The following FBXL17 variants were observed in gnomAD, a reference collection of about 807,000 sequenced individuals.
FBXL17 encodes the protein F-box and leucine rich repeat protein 17, also known as F-box/LRR-repeat protein 17.
In FBXL17, 22 loss-of-function variants were observed where a neutral mutation model predicts 66.2. The ratio of observed to expected loss-of-function variants is 0.33; its 90% CI spans 0.24 to 0.47. The LOEUF (loss-of-function observed/expected upper bound fraction) is 0.47, where lower values mean the gene tolerates loss of function less well. FBXL17 is among the 20% of genes least tolerant of loss of function. The pLI is 1.00. For missense variants in FBXL17, 878 were observed against 948.2 expected (o/e 0.93, Z 0.97); for synonymous variants, 474 against 400.5 (o/e 1.18, Z -2.19).
chr5:108,175,908 T>C (rs6883082), intron 6 of FBXL17, among the ~76,000 whole-genome samples: 74,466 of 152,034 alleles, frequency 0.49, 18,993 homozygotes, highest in East Asian at 0.76. Flanking sequence ...CTCAAGTCTT[T>C]TACAAGAAAA....
chr5:108,198,186 T>G (rs574452883), intron 5 of FBXL17, among the ~76,000 whole-genome samples: 6 of 152,098 alleles, frequency 3.9e-5, no homozygotes, highest in Non-Finnish European at 8.8e-5. Flanking sequence ...CCTAGAACAC[T>G]CTAAGTCACC....
intron 3 of FBXL17, among the ~76,000 whole-genome samples, chr5:108,359,581 AT>A (rs1175595138): frequency 1.3e-5 from 2 of 152,046 alleles, no homozygotes; most frequent in African/African-American, 4.8e-5. Flanking sequence ...CTGTTATTTA[AT>A]TTCTACATAT....
intron 6 of FBXL17, among the ~76,000 whole-genome samples, chr5:108,057,482 T>C (rs1305800487): frequency 6.6e-6 from 1 of 152,174 alleles, no homozygotes; most frequent in East Asian, 1.9e-4. Context: ...CAAAGACTTA[T>C]AAATTGTTAA....
At chr5:108,362,546 AATT>A (rs1407990713) in intron 3 of FBXL17, among the ~76,000 whole-genome samples, 4 of 152,098 alleles carry the variant, frequency 2.6e-5, no homozygotes, top group South Asian at 2.1e-4. Context: ...CCACTGGTAA[AATT>A]ATTTTGAGTG....
chr5:108,376,884 C>G lies in FBXL17; in HGVS notation c.993+3815G>C, dbSNP rs190467460. On this transcript the variant is annotated intron_variant, in intron 1 of 8. Coordinates refer to ENST00000542267, the MANE Select transcript of FBXL17 (RefSeq NM_001163315.3). ...TCACTGCAACCTCCACCCACGGGTT[C>G]AAGCTGGGATTACAGGCGTGAGCCA... 5.3e-5 allele frequency among the ~76,000 whole-genome samples: 8 copies of G among 150,230 alleles called. No homozygotes were observed. The East Asian group carries it at 1.6e-3, about 30-fold the overall frequency.
chr5:108,031,282 C>G (rs575812574), intron 6 of FBXL17, among the ~76,000 whole-genome samples: 5 of 151,708 alleles, frequency 3.3e-5, no homozygotes, highest in Non-Finnish European at 7.4e-5. Flanking sequence ...TAGCTGTATT[C>G]GATTAGAAAT....
intron 6 of FBXL17, among the ~76,000 whole-genome samples, chr5:108,035,031 T>A (rs1746787284): frequency 6.6e-6 from 1 of 152,150 alleles, no homozygotes; most frequent in South Asian, 2.1e-4. Context: ...CTACTAATGA[T>A]CTAATACAGA....
At chr5:108,114,052 T>C (rs1241988810) in intron 6 of FBXL17, among the ~76,000 whole-genome samples, 2 of 152,214 alleles carry the variant, frequency 1.3e-5, no homozygotes, top group Admixed American at 6.5e-5. Context: ...CTTTCAGTTA[T>C]ACAAAAAGAC....
At chr5:108,234,367 T>C (rs900995405) in intron 4 of FBXL17, among the ~76,000 whole-genome samples, 3 of 152,172 alleles carry the variant, frequency 2.0e-5, no homozygotes, top group Non-Finnish European at 4.4e-5. Context: ...CATAATAATA[T>C]TGAGAGGCAT....
intron 6 of FBXL17, among the ~76,000 whole-genome samples, chr5:108,052,272 G>T (rs914636692): frequency 8.5e-5 from 13 of 152,074 alleles, no homozygotes; most frequent in African/African-American, 3.1e-4. Flanking sequence ...AAATTGTTTT[G>T]GTCTGCAGAT....
chr5:108,353,970 A>G (rs1458462721), intron 3 of FBXL17, among the ~76,000 whole-genome samples: 1 of 152,070 alleles, frequency 6.6e-6, no homozygotes, highest in Non-Finnish European at 1.5e-5. Context: ...TAATTGTTGG[A>G]TTTTTTTCAG....
chr5:108,375,932 AT>A (rs1408231954), intron 1 of FBXL17, among the ~76,000 whole-genome samples: 1 of 152,222 alleles, frequency 6.6e-6, no homozygotes, highest in Admixed American at 6.5e-5. Flanking sequence ...ACCAAGTAGG[AT>A]TTATCCCAGG....
At chr5:108,173,531 T>A (rs1472312543) in intron 6 of FBXL17, among the ~76,000 whole-genome samples, 1 of 152,248 alleles carries the variant, frequency 6.6e-6, no homozygotes, top group Non-Finnish European at 1.5e-5. Flanking sequence ...AAAGAAATGA[T>A]AATTGCTACC....
chr5:108,033,959 A>C (rs1046144628), intron 6 of FBXL17, among the ~76,000 whole-genome samples: 3 of 152,190 alleles, frequency 2.0e-5, no homozygotes, highest in African/African-American at 7.2e-5. Flanking sequence ...AATTTTGAAA[A>C]AGTGTACAAG....
At chr5:108,170,938 A>T (rs1752586153) in intron 6 of FBXL17, among the ~76,000 whole-genome samples, 1 of 152,184 alleles carries the variant, frequency 6.6e-6, no homozygotes, top group Non-Finnish European at 1.5e-5. Context: ...TTCCCCTCTC[A>T]ATTTCTCCAT....
chr5:108,278,533 G>A (rs1757574175), intron 4 of FBXL17, among the ~76,000 whole-genome samples: 1 of 152,214 alleles, frequency 6.6e-6, no homozygotes, highest in South Asian at 2.1e-4. Context: ...GGCAGGAGGA[G>A]AGTTGCCACA....
At chr5:108,015,348 T>C (rs1754341998) in intron 7 of FBXL17, among the ~76,000 whole-genome samples, 1 of 152,188 alleles carries the variant, frequency 6.6e-6, no homozygotes, top group African/African-American at 2.4e-5. Flanking sequence ...CATTAGGACA[T>C]TCTTTTTGAT....
At chr5:108,174,907 T>A (rs1355892748) in intron 6 of FBXL17, among the ~76,000 whole-genome samples, 2 of 152,154 alleles carry the variant, frequency 1.3e-5, no homozygotes, top group Non-Finnish European at 2.9e-5. Context: ...GATTGAACAT[T>A]GGAATTCTAT....
At chr5:108,164,185 G>C (rs1455857922) in intron 6 of FBXL17, among the ~76,000 whole-genome samples, 1 of 152,156 alleles carries the variant, frequency 6.6e-6, no homozygotes, top group Non-Finnish European at 1.5e-5. Context: ...CAGGAAATAG[G>C]ATAAGCACAT....
Sources: gnomAD v4.1 joint callset for allele counts (sites outside exome capture counted in the v4.1 genomes callset) on GRCh38, gnomAD v4.1.1 for gene constraint, MANE v1.5 for transcripts, NCBI Gene and HGNC (gene_info 2026-07-23, HGNC 2026-07-21) for gene names.